STAM: variants seen among roughly 807,000 people sequenced by gnomAD.
STAM encodes the protein signal transducing adaptor molecule.
A neutral mutation model predicts 63.4 loss-of-function variants in STAM; 16 were observed. That is an observed-to-expected ratio of 0.25 (90% CI 0.17 to 0.38). STAM has a LOEUF of 0.38. STAM is among the 10% of genes least tolerant of loss of function. STAM has a pLI of 1.00. For missense variants in STAM, 636 were observed against 657.1 expected (o/e 0.97, Z 0.35); for synonymous variants, 238 against 223.9 (o/e 1.06, Z -0.56).
rs1467309667 is a variant in STAM, at chr10:17,715,783, A to G, written c.*1003A>G. The G allele has an allele frequency of 6.6e-6, 1 of 152,606 alleles. No homozygotes were observed. Among genetic ancestry groups the G allele is most frequent in the Admixed American group, 6.5e-5 (1 of 15,270 alleles). 9.5% of individuals were successfully genotyped at this position (152,606 alleles called of 1,614,324 possible). ...CACTACATTTTCGAAGTCTCTTGTAATTATTTGGGATATCAACAAAATTTG... is the reference window on the plus strand; with the variant it reads ...CACTACATTTTCGAAGTCTCTTGTAGTTATTTGGGATATCAACAAAATTTG... On this transcript the variant is annotated 3_prime_UTR_variant, in exon 14 of 14. Transcript: ENST00000377524.
chr10:17,678,260 A>ATTTTTT (rs34286916), intron 2 of STAM, among the ~76,000 whole-genome samples: 1 of 150,104 alleles, frequency 6.7e-6, no homozygotes, highest in East Asian at 1.9e-4. Flanking sequence ...ATGTGGTGTA[A>ATTTTTT]TTTTTTTTTT....
intron 2 of STAM, among the ~76,000 whole-genome samples, 194 bp downstream of exon 2, chr10:17,660,742 A>G (rs782508590): frequency 7.2e-5 from 11 of 152,310 alleles, no homozygotes; most frequent in Non-Finnish European, 1.3e-4. Context: ...AGTCAGGGCA[A>G]CATAGTGAGA....
At position 17,715,089 on chromosome 10, in the gene STAM, T is replaced by A; in HGVS notation, c.*309T>A. 2.7e-6 allele frequency: 1 copy of A among 371,384 alleles called. No individual in the cohort carries two copies. Among genetic ancestry groups the A allele is most frequent in the Non-Finnish European group, 5.1e-6 (1 of 194,916 alleles). The allele number at this position is 371,384 out of a possible 1,614,324, so 23.0% of individuals were successfully genotyped here. A position where few individuals can be genotyped will look rare whatever the true frequency, so the allele number is the denominator to read the frequency against. On this transcript the variant is annotated 3_prime_UTR_variant, in exon 14 of 14. Transcript: ENST00000377524. ...AGAAAGTCAAACTTACAAAAACTGT[T>A]GTGACAAATGTTATGTACATATATT... is the stretch of plus-strand genomic sequence containing the variant.
rs1415082094 is a variant in STAM, at chr10:17,715,499, A to G, written c.*719A>G. ...GTACAGTAGCTAAATTTTTGGTGCA[A>G]TTATAGCAAATGATAATGTTCCCTT... On this transcript the variant is annotated 3_prime_UTR_variant, in exon 14 of 14. Coordinates refer to ENST00000377524, the MANE Select transcript of STAM (RefSeq NM_003473.4). The G allele has an allele frequency of 2.0e-5, 3 of 150,348 alleles. No homozygotes were observed. Among genetic ancestry groups the G allele is most frequent in the African/African-American group, 4.9e-5 (2 of 41,062 alleles). 9.3% of individuals were successfully genotyped at this position (150,348 alleles called of 1,614,324 possible).
rs578202293 is a variant in STAM, at chr10:17,707,915, G to A, written c.1210-861G>A. On this transcript the variant is annotated intron_variant, in intron 12 of 13. Coordinates refer to ENST00000377524, the MANE Select transcript of STAM (RefSeq NM_003473.4). ...TTTTAATAAACTTTTTTTTGAGACG[G>A]AGTCTTGCTTTGTCGCCCAGGCTGG... Among the ~76,000 whole-genome samples, 41 of 151,600 alleles carry A rather than the reference G, an allele frequency of 2.7e-4. No individual in the cohort carries two copies. In the South Asian group the frequency reaches 3.7e-3, roughly 14 times the overall value.
intron 12 of STAM, among the ~76,000 whole-genome samples, chr10:17,707,785 G>T (rs1554829500): frequency 6.6e-6 from 1 of 151,870 alleles, no homozygotes; most frequent in African/African-American, 2.4e-5. Flanking sequence ...AGGACATTAT[G>T]TGTTTTAGAC....
intron 2 of STAM, among the ~76,000 whole-genome samples, chr10:17,667,063 T>G (rs1257541261): frequency 6.6e-6 from 1 of 152,340 alleles, no homozygotes; most frequent in East Asian, 1.9e-4. Context: ...GTGAGAAATC[T>G]AATTGATATT....
At chr10:17,659,594 C>T (rs192876557) in intron 1 of STAM, among the ~76,000 whole-genome samples, 12 of 150,534 alleles carry the variant, frequency 8.0e-5, no homozygotes, top group South Asian at 2.1e-4. Flanking sequence ...TCAGCCTTCT[C>T]GGTAGCTGGG....
rs76511688 is a variant in STAM at position 17,681,225 on chromosome 10, G to T, written c.126-3450G>T. The stretch of plus-strand genomic sequence containing the variant: ...TTTTTTTTTTTTTTTTAATGTAGGT[G>T]CTTATAGGTATAAATTACCTTCTCA... On this transcript the variant is annotated intron_variant, in intron 2 of 13. Coordinates refer to ENST00000377524, the MANE Select transcript of STAM (RefSeq NM_003473.4). Among the ~76,000 whole-genome samples the T allele has an allele frequency of 7.5e-3, 1,049 of 140,688 alleles. 9 individuals are homozygous for T. Among genetic ancestry groups the T allele is most frequent in the African/African-American group, 0.026 (991 of 37,822 alleles). 92.3% of individuals were successfully genotyped at this position (140,688 alleles called of 152,430 possible).
rs1835706490 is a variant in STAM at position 17,695,212 on chromosome 10, T to G, written c.699T>G (p.Ala233=). The change falls in exon 7 of 14, where the codon GCT becomes GCG. Residue 233 remains alanine, a synonymous_variant. Coordinates refer to ENST00000377524, the MANE Select transcript of STAM (RefSeq NM_003473.4). ...AAEDNELTFK[A]GEIITVLDDS... ...AAGACAATGAACTTACTTTTAAAGC[T>G]GGAGAAATTATTACAGTTCTTGATG... The G allele has an allele frequency of 6.2e-7, 1 of 1,613,888 alleles. No individual in the cohort carries two copies. The highest frequency in any genetic ancestry group is 8.5e-7 in the Non-Finnish European group (1 of 1,179,894).
intron 5 of STAM, among the ~76,000 whole-genome samples, chr10:17,691,709 A>C (rs1284569827): frequency 6.6e-6 from 1 of 152,200 alleles, no homozygotes; most frequent in Non-Finnish European, 1.5e-5. Context: ...GGAGACAGAC[A>C]TGTAATCAGA....
chr10:17,682,699 TG>T (rs1835135515), intron 2 of STAM, among the ~76,000 whole-genome samples: 1 of 152,188 alleles, frequency 6.6e-6, no homozygotes, highest in Non-Finnish European at 1.5e-5. Context: ...TCCATGCACA[TG>T]AAAAAAAATG....
intron 2 of STAM, among the ~76,000 whole-genome samples, chr10:17,669,920 C>A (rs1299987647): frequency 1.4e-5 from 2 of 138,894 alleles, no homozygotes; most frequent in East Asian, 4.2e-4. Flanking sequence ...TTAGTAGACA[C>A]GTGGTTTCAC....
At chr10:17,706,964 A>C (rs1836313632) in intron 12 of STAM, among the ~76,000 whole-genome samples, 1 of 152,258 alleles carries the variant, frequency 6.6e-6, no homozygotes, top group Admixed American at 6.5e-5. Context: ...CCATAATTTA[A>C]AAACTGCTTT....
At chr10:17,687,893 A>G (rs1156481291) in intron 4 of STAM, 134 bp from the exon 5 acceptor site, 7 of 617,614 alleles carry the variant, frequency 1.1e-5, no homozygotes, top group South Asian at 9.9e-5. Flanking sequence ...TCGAATAACT[A>G]TATTTTCTTG....
intron 8 of STAM, among the ~76,000 whole-genome samples, chr10:17,699,245 G>A (rs146115732): frequency 6.6e-6 from 1 of 152,168 alleles, no homozygotes; most frequent in African/African-American, 2.4e-5. Flanking sequence ...ATAAGATTGG[G>A]AGATTCATTG....
At chr10:17,689,398 A>C (rs1835436144) in intron 5 of STAM, among the ~76,000 whole-genome samples, 1 of 152,196 alleles carries the variant, frequency 6.6e-6, no homozygotes, top group Non-Finnish European at 1.5e-5. Flanking sequence ...AGGCATTTCC[A>C]GTTTATCTGA....
chr10:17,681,940 A>G (rs1337750860), intron 2 of STAM, among the ~76,000 whole-genome samples: 2 of 152,226 alleles, frequency 1.3e-5, no homozygotes, highest in African/African-American at 4.8e-5. Context: ...TACTATTATC[A>G]TTAATTACCA....
chr10:17,692,654 T>C (rs1346048632), intron 5 of STAM, among the ~76,000 whole-genome samples: 2 of 152,320 alleles, frequency 1.3e-5, no homozygotes, highest in South Asian at 2.1e-4. Flanking sequence ...ATTCCCTTAT[T>C]TACACAATTT....
Sources: gnomAD v4.1 joint callset for allele counts (sites outside exome capture counted in the v4.1 genomes callset) on GRCh38, gnomAD v4.1.1 for gene constraint, MANE v1.5 for transcripts, NCBI Gene and HGNC (gene_info 2026-07-23, HGNC 2026-07-21) for gene names.